The following CYTH1 variants were observed in gnomAD, a reference collection of about 807,000 sequenced individuals.
The protein encoded by CYTH1 is cytohesin-1.
A neutral mutation model predicts 61.8 loss-of-function variants in CYTH1; 18 were observed. That is an observed-to-expected ratio of 0.29 (90% CI 0.20 to 0.43). The LOEUF is 0.43. CYTH1 is among the 20% of genes least tolerant of loss of function. The pLI is 1.00. For synonymous variants in CYTH1, 174 were observed against 184.3 expected, an observed-to-expected ratio of 0.94 and a Z score of 0.45; for missense variants, 336 against 510.5, an observed-to-expected ratio of 0.66 and a Z score of 3.29.
Position 78,782,216 on chromosome 17 carries a change from T to G in CYTH1, c.8A>C (p.Glu3Ala), listed in dbSNP as rs1271192963. The change falls in exon 1 of 14, where the codon GAG becomes GCG. Residue 3 changes from glutamate to alanine, a missense_variant. Physicochemically the swap from Glu to Ala is moderately radical, Grantham distance 107. Transcript: ENST00000446868. Reference protein sequence around the residue: MEEDDSYVPSDLT... With the variant: MEADDSYVPSDLT... ...GGCGCACTGACCGTAGCTGTCGTCC[T>G]CCTCCATGGTGCGGGAGCCGGGCTC... 6.6e-6 allele frequency: 9 copies of G among 1,358,404 alleles called. No homozygotes were observed. Among genetic ancestry groups the G allele is most frequent in the Non-Finnish European group, 7.7e-6 (8 of 1,040,350 alleles). 84.1% of individuals were successfully genotyped at this position (1,358,404 alleles called of 1,614,324 possible).
At chr17:78,702,879 T>C (rs2093027574) in intron 3 of CYTH1, among the ~76,000 whole-genome samples, 1 of 152,028 alleles carries the variant, frequency 6.6e-6, no homozygotes. Context: ...TGAAGTGCAG[T>C]GGTGCTATCT....
intron 13 of CYTH1, chr17:78,677,021 T>A (rs1000280641): frequency 7.2e-5 from 33 of 455,952 alleles, no homozygotes; most frequent in Admixed American, 5.2e-4. Context: ...CACCAGCAGC[T>A]GCTATGGCTC....
chr17:78,676,442 A>C (rs1223523427), intron 13 of CYTH1: 1 of 473,092 alleles, frequency 2.1e-6, no homozygotes, highest in Non-Finnish European at 3.8e-6. Context: ...TTAGGAACAG[A>C]ATCATACCAC....
At chr17:78,732,728 T>C (rs2093300941) in intron 1 of CYTH1, among the ~76,000 whole-genome samples, 2 of 152,190 alleles carry the variant, frequency 1.3e-5, no homozygotes, top group Non-Finnish European at 2.9e-5. Flanking sequence ...CAGGTCTTCC[T>C]GCAAACACCA....
Position 78,719,335 on chromosome 17 carries a change from C to T in CYTH1, c.23-9603G>A, listed in dbSNP as rs779970026. ...TCACTTGGGGAACATACAAATGACC[C>T]ACAATAATACAAAATCTGGTAAGTT... On this transcript the variant is annotated intron_variant, in intron 1 of 13. Transcript: ENST00000446868. Among the ~76,000 whole-genome samples the T allele has an allele frequency of 1.5e-4, 23 of 152,006 alleles. No homozygotes were observed. In the South Asian group the frequency reaches 4.8e-3, roughly 32 times the overall value.
rs574982195 is a variant in CYTH1, at chr17:78,712,558, A to T, written c.23-2826T>A. 2.0e-5 allele frequency among the ~76,000 whole-genome samples: 3 copies of T among 152,226 alleles called. No individual in the cohort carries two copies. The East Asian group carries it at 5.8e-4, about 29-fold the overall frequency. On this transcript the variant is annotated intron_variant, in intron 1 of 13. Transcript: ENST00000446868. ...GTAATCCCAGCTACTCAGGAGGCTG[A>T]GGCAGAAGAATCGCTTGAAGTTGGG...
chr17:78,756,620 G>T (rs985285817), intron 1 of CYTH1, among the ~76,000 whole-genome samples: 3 of 152,084 alleles, frequency 2.0e-5, no homozygotes, highest in African/African-American at 7.2e-5. Context: ...AAACAAAAAA[G>T]AATTTAAAAA....
chr17:78,696,198 T>C (rs1351087308), intron 9 of CYTH1, among the ~76,000 whole-genome samples, 189 bp from the exon 10 acceptor site: 3 of 152,216 alleles, frequency 2.0e-5, no homozygotes, highest in African/African-American at 4.8e-5. Context: ...ATCCCACTAC[T>C]GTCTGGCACG....
intron 1 of CYTH1, among the ~76,000 whole-genome samples, chr17:78,772,202 A>G (rs1293040656): frequency 6.6e-6 from 1 of 152,186 alleles, no homozygotes; most frequent in East Asian, 1.9e-4. Flanking sequence ...AGAGCAGGAA[A>G]GGTGTGGAAC....
chr17:78,746,219 A>C (rs1007293966), intron 1 of CYTH1, among the ~76,000 whole-genome samples: 1 of 152,196 alleles, frequency 6.6e-6, no homozygotes, highest in Non-Finnish European at 1.5e-5. Context: ...AGGTATTGTT[A>C]AGTTTTAAAT....
At chr17:78,686,159 T>C (rs1468323321) in intron 11 of CYTH1, among the ~76,000 whole-genome samples, 1 of 152,220 alleles carries the variant, frequency 6.6e-6, no homozygotes, top group African/African-American at 2.4e-5. Flanking sequence ...TTTTCTCTCA[T>C]TGTTTTAATA....
At chr17:78,754,046 T>C (rs1355859838) in intron 1 of CYTH1, among the ~76,000 whole-genome samples, 1 of 151,906 alleles carries the variant, frequency 6.6e-6, no homozygotes, top group Non-Finnish European at 1.5e-5. Context: ...TAGATACACG[T>C]GGAGTAGGGA....
chr17:78,684,126 G>T (rs932758479), intron 11 of CYTH1, among the ~76,000 whole-genome samples: 1 of 152,180 alleles, frequency 6.6e-6, no homozygotes, highest in African/African-American at 2.4e-5. Context: ...TGGTCACCGG[G>T]AGAACCCACT....
At chr17:78,695,919 C>A (rs1053193178) in intron 10 of CYTH1, 88 bp downstream of exon 10, 2 of 1,360,532 alleles carry the variant, frequency 1.5e-6, no homozygotes, top group Non-Finnish European at 2.0e-6. Flanking sequence ...AATTAAAAAA[C>A]AAAATAACCA....
chr17:78,677,006 G>A lies in CYTH1; in HGVS notation c.1119-837C>T, dbSNP rs372941281. The stretch of plus-strand genomic sequence containing the variant: ...GGCAGGGCACTCACCCCTGCTGAAC[G>A]GTGGCACCAGCAGCTGCTATGGCTC... On this transcript the variant is annotated intron_variant, in intron 13 of 13. Transcript: ENST00000446868. 14 of 456,040 alleles carry A rather than the reference G, an allele frequency of 3.1e-5. No individual in the cohort carries two copies. The East Asian group carries it at 8.3e-4, about 27-fold the overall frequency. 28.2% of individuals were successfully genotyped at this position (456,040 alleles called of 1,614,324 possible).
Position 78,686,946 on chromosome 17 carries a change from T to A in CYTH1, c.891+5471A>T, listed in dbSNP as rs960831291. On this transcript the variant is annotated intron_variant, in intron 11 of 13. Transcript: ENST00000446868. ...ACAGGCATGTGCCACCACACTTGGC[T>A]GATTTTTTATTTTTAGTAGAGACGG... Among the ~76,000 whole-genome samples the A allele has an allele frequency of 2.0e-5, 3 of 152,062 alleles. No homozygotes were observed. In the South Asian group the frequency reaches 6.2e-4, roughly 32 times the overall value.
intron 1 of CYTH1, among the ~76,000 whole-genome samples, chr17:78,776,117 T>C (rs2093489996): frequency 6.6e-6 from 1 of 152,134 alleles, no homozygotes; most frequent in African/African-American, 2.4e-5. Context: ...ATCACGCCAC[T>C]GCACTTCAGC....
chr17:78,709,398 G>T, intron 2 of CYTH1: 1 of 472,082 alleles, frequency 2.1e-6, no homozygotes, highest in Non-Finnish European at 3.8e-6. Flanking sequence ...CAGGAGTCTT[G>T]CAGGCTATCT....
intron 11 of CYTH1, among the ~76,000 whole-genome samples, chr17:78,689,051 C>T (rs1427231118): frequency 6.6e-6 from 1 of 152,128 alleles, no homozygotes; most frequent in East Asian, 1.9e-4. Flanking sequence ...ATGGCTGAGA[C>T]AAGTACACAG....
Sources: allele counts gnomAD v4.1 joint callset (sites outside exome capture counted in the v4.1 genomes callset), GRCh38; gene constraint gnomAD v4.1.1; transcripts MANE v1.5; gene names NCBI Gene and HGNC (gene_info 2026-07-23, HGNC 2026-07-21).